The following SLIT3 variants were observed in gnomAD, a reference collection of about 807,000 sequenced individuals.
SLIT3 encodes slit homolog 3 protein.
SLIT3 carries 68 observed loss-of-function variants against 184.0 expected under a neutral mutation model. The observed-to-expected ratio is 0.37, with a 90% CI of 0.30 to 0.45. The LOEUF is 0.45. Among genes scored for constraint, SLIT3 ranks in the 20% least tolerant of loss-of-function variants. The pLI, the probability that SLIT3 is intolerant of heterozygous loss-of-function variation, is 1.00. For missense variants in SLIT3, 1,707 were observed against 2,026.0 expected (o/e 0.84, Z 3.02); for synonymous variants, 831 against 828.6 (o/e 1.00, Z -0.05).
intron 4 of SLIT3, among the ~76,000 whole-genome samples, chr5:169,053,237 G>C (rs1339574287): frequency 6.6e-6 from 1 of 152,232 alleles, no homozygotes; most frequent in African/African-American, 2.4e-5. Context: ...AATAGATGAG[G>C]CTGGGAAAAC....
At chr5:168,818,881 G>C (rs1318072683) in intron 7 of SLIT3, among the ~76,000 whole-genome samples, 2 of 152,224 alleles carry the variant, frequency 1.3e-5, no homozygotes, top group Non-Finnish European at 2.9e-5. Context: ...CCGCCGCAGG[G>C]GGCTCCAGAT....
chr5:169,102,657 G>T lies in SLIT3; in HGVS notation c.413+90822C>A, dbSNP rs573455864. Among the ~76,000 whole-genome samples, 24 of 152,294 alleles carry T rather than the reference G, an allele frequency of 1.6e-4. No individual in the cohort carries two copies. In the South Asian group the frequency reaches 4.8e-3, roughly 30 times the overall value. On this transcript the variant is annotated intron_variant, in intron 4 of 35. Transcript: ENST00000519560. The stretch of plus-strand genomic sequence containing the variant: ...ACCCATGGATACAGAGGACAAGTGT[G>T]TGTGTGTTTGTGTGTGTAGCTAGAA...
chr5:168,849,929 T>C (rs1391295016), intron 5 of SLIT3, among the ~76,000 whole-genome samples: 1 of 152,130 alleles, frequency 6.6e-6, no homozygotes, highest in African/African-American at 2.4e-5. Flanking sequence ...TATTATCCAA[T>C]TGTCCTTTAA....
intron 4 of SLIT3, among the ~76,000 whole-genome samples, chr5:169,087,363 T>C (rs148843525): frequency 1.4e-3 from 211 of 152,272 alleles, no homozygotes; most frequent in African/African-American, 4.9e-3. Context: ...CCCAGGGCAT[T>C]TGTAGGCAAA....
Position 168,761,070 on chromosome 5 carries a change from T to C in SLIT3, c.1611-134A>G, listed in dbSNP as rs190333035. ...CACAGAGCCATCGGAAGCTTTGACA[T>C]CAGTCCCATCAACAGAGGGGCCCAG... On this transcript the variant is annotated intron_variant, in intron 15 of 35. Coordinates refer to ENST00000519560, the MANE Select transcript of SLIT3 (RefSeq NM_003062.4). The C allele has an allele frequency of 4.4e-5, 30 of 684,588 alleles. No individual in the cohort carries two copies. In the Admixed American group the frequency reaches 4.8e-4, roughly 11 times the overall value. 42.4% of individuals were successfully genotyped at this position (684,588 alleles called of 1,614,324 possible). A position where few individuals can be genotyped will look rare whatever the true frequency, so the allele number is the denominator to read the frequency against.
chr5:168,844,639 G>A lies in SLIT3; in HGVS notation c.502C>T (p.His168Tyr). The A allele has an allele frequency of 6.2e-7, 1 of 1,614,188 alleles. No homozygotes were observed. ...DVKNLQLDNNHISCIEDGAFR... is the reference protein window; with the variant it reads ...DVKNLQLDNNYISCIEDGAFR... ...GCTCCATCTTCAATGCAGCTGATGT[G>A]GTTGTTGTCCAGTTGCCTGTGGAAA... Residue 168 changes from histidine (H) to tyrosine (Y), a missense_variant, in exon 6 of 36, where the codon CAC becomes TAC. Transcript: ENST00000519560.
chr5:168,937,929 G>A (rs1394146652), intron 4 of SLIT3, among the ~76,000 whole-genome samples: 1 of 151,106 alleles, frequency 6.6e-6, no homozygotes, highest in Non-Finnish European at 1.5e-5. Context: ...TAAAGCTTCT[G>A]ATCAGAAATA....
intron 4 of SLIT3, among the ~76,000 whole-genome samples, chr5:169,139,599 C>T (rs928964691): frequency 1.3e-5 from 2 of 152,220 alleles, no homozygotes; most frequent in Non-Finnish European, 2.9e-5. Flanking sequence ...CCCCCAGGGG[C>T]TCCTAGTTGA....
chr5:168,787,804 A>G (rs764050120), intron 11 of SLIT3, among the ~76,000 whole-genome samples: 66 of 152,134 alleles, frequency 4.3e-4, no homozygotes, highest in Admixed American at 2.0e-4. Flanking sequence ...GTAAGGGGTA[A>G]AGGCTCTCCA....
At chr5:169,245,914 C>G (rs147659103) in intron 2 of SLIT3, among the ~76,000 whole-genome samples, 2 of 152,318 alleles carry the variant, frequency 1.3e-5, no homozygotes, top group Non-Finnish European at 2.9e-5. Flanking sequence ...TTCTGTCCAT[C>G]ATCCTACTCC....
At chr5:168,675,887 T>G (rs1761392027) in intron 32 of SLIT3, among the ~76,000 whole-genome samples, 1 of 152,122 alleles carries the variant, frequency 6.6e-6, no homozygotes, top group Admixed American at 6.6e-5. Context: ...TCAAATCCAT[T>G]GGGAAATCTC....
intron 4 of SLIT3, among the ~76,000 whole-genome samples, chr5:168,892,820 G>A (rs1760518173): frequency 6.6e-6 from 1 of 152,184 alleles, no homozygotes; most frequent in African/African-American, 2.4e-5. Flanking sequence ...ATGGGACAGA[G>A]GCTGAGCTTC....
intron 15 of SLIT3, among the ~76,000 whole-genome samples, chr5:168,761,788 G>C (rs1755157916): frequency 6.6e-6 from 1 of 151,894 alleles, no homozygotes; most frequent in Non-Finnish European, 1.5e-5. Flanking sequence ...GCCCAGGCTG[G>C]AGTGCAGTGG....
intron 4 of SLIT3, among the ~76,000 whole-genome samples, chr5:168,932,597 A>T (rs1374394113): frequency 6.6e-6 from 1 of 152,138 alleles, no homozygotes; most frequent in Non-Finnish European, 1.5e-5. Flanking sequence ...CTGCCCAGGG[A>T]CACCCCGTGG....
At chr5:168,836,546 C>G (rs1758060636) in intron 6 of SLIT3, among the ~76,000 whole-genome samples, 1 of 152,060 alleles carries the variant, frequency 6.6e-6, no homozygotes, top group Non-Finnish European at 1.5e-5. Context: ...GAATCTTTCT[C>G]CAAACATGGA....
At chr5:169,138,788 G>A (rs1761619599) in intron 4 of SLIT3, among the ~76,000 whole-genome samples, 1 of 152,220 alleles carries the variant, frequency 6.6e-6, no homozygotes, top group Admixed American at 6.5e-5. Context: ...AACACATTCT[G>A]GGTATCCCAC....
intron 1 of SLIT3, among the ~76,000 whole-genome samples, chr5:169,273,136 A>G (rs1038051344): frequency 6.6e-6 from 1 of 152,090 alleles, no homozygotes; most frequent in Non-Finnish European, 1.5e-5. Context: ...TGCAACAGCC[A>G]TACTACCTGC....
chr5:168,856,817 G>GCGCA (rs1359158447), intron 5 of SLIT3, among the ~76,000 whole-genome samples: 3 of 151,004 alleles, frequency 2.0e-5, no homozygotes, highest in East Asian at 2.0e-4. Flanking sequence ...GCGCGCGCGC[G>GCGCA]CACGCCTTTG....
At chr5:168,761,002 G>C (rs757731556) in intron 15 of SLIT3, 66 bp from the exon 16 acceptor site, 10 of 1,215,504 alleles carry the variant, frequency 8.2e-6, no homozygotes, top group Non-Finnish European at 1.1e-5. Context: ...ACCCCCCATG[G>C]CTTTGCTGCA....
Sources: gnomAD v4.1 joint callset for allele counts (sites outside exome capture counted in the v4.1 genomes callset) on GRCh38, gnomAD v4.1.1 for gene constraint, MANE v1.5 for transcripts, NCBI Gene and HGNC (gene_info 2026-07-23, HGNC 2026-07-21) for gene names.